The following KLHL18 variants were observed in gnomAD, a reference collection of about 807,000 sequenced individuals.
KLHL18 encodes the protein kelch-like protein 18.
Under a neutral mutation model 58.5 loss-of-function variants are expected in KLHL18, and 38 were observed. The observed-to-expected ratio is 0.65, with a 90% CI of 0.50 to 0.85. The LOEUF (loss-of-function observed/expected upper bound fraction) is 0.85. Ranked by LOEUF, KLHL18 falls within the 40% of genes least tolerant of loss-of-function variation. KLHL18 has a pLI of 0.00. For missense variants in KLHL18, 624 were observed against 778.4 expected (o/e 0.80, Z 2.36); for synonymous variants, 303 against 301.9 (o/e 1.00, Z -0.04).
Position 47,322,597 on chromosome 3 carries a change from ACAACGG to A in KLHL18, c.295_300del (p.Gly99_Asn100del). The A allele has an allele frequency of 6.2e-7, 1 of 1,607,000 alleles. No homozygotes were observed. Among genetic ancestry groups the A allele is most frequent in the Non-Finnish European group, 8.5e-7 (1 of 1,177,212 alleles). On this transcript the variant is annotated inframe_deletion, in exon 3 of 10. Coordinates refer to ENST00000232766, the MANE Select transcript of KLHL18 (RefSeq NM_025010.5). ...CTGGAGGCTCTGATCAACTTTGCCT[ACAACGG>A]CAACCTTGCCATTGACCAGCAAAAT...
chr3:47,327,888 G>A (rs754763423), intron 3 of KLHL18, among the ~76,000 whole-genome samples: 2 of 152,110 alleles, frequency 1.3e-5, no homozygotes, highest in South Asian at 2.1e-4. Flanking sequence ...CCTTAACGTC[G>A]GGGAAAAGAC....
intron 1 of KLHL18, 109 bp from the exon 2 acceptor site, chr3:47,319,544 A>C (rs1446598270): frequency 1.7e-6 from 2 of 1,185,580 alleles, no homozygotes; most frequent in Non-Finnish European, 2.4e-6. Flanking sequence ...TGCAGTGGGC[A>C]GTGGGGTATG....
intron 1 of KLHL18, among the ~76,000 whole-genome samples, chr3:47,318,767 C>CT (rs1703515012): frequency 6.6e-6 from 1 of 152,180 alleles, no homozygotes; most frequent in Admixed American, 6.5e-5. Context: ...TAGAACAACT[C>CT]TAAGAAATTT....
intron 2 of KLHL18, among the ~76,000 whole-genome samples, chr3:47,320,157 A>G (rs1267519230): frequency 2.0e-5 from 3 of 151,774 alleles, no homozygotes; most frequent in Non-Finnish European, 4.4e-5. Context: ...CTTCATTTAC[A>G]TCCCTTCTTA....
rs750454780 is a variant in KLHL18, at chr3:47,322,651, C to T, written c.344C>T (p.Ala115Val). 12 of 1,605,242 alleles carry T rather than the reference C, an allele frequency of 7.5e-6. No individual in the cohort carries two copies. The highest frequency in any genetic ancestry group is 2.3e-5 in the East Asian group (1 of 44,310). ...QQNVQSLLMG[A>V]SFLQLQSIKD... The stretch of plus-strand genomic sequence containing the variant: ...AATGTCCAGTCATTGCTGATGGGGG[C>T]GAGCTTCCTGCAGCTGCAGAGCATC... Residue 115 changes from alanine (A) to valine (V), a missense_variant, in exon 3 of 10, where the codon GCG becomes GTG. By Grantham distance (64) the Ala-to-Val change is moderately conservative. Transcript: ENST00000232766.
rs962262110 is a variant in KLHL18 at position 47,344,822 on chromosome 3, G to T, written c.*881G>T. 3 of 152,648 alleles carry T rather than the reference G, an allele frequency of 2.0e-5. 1 individual carries two copies. In the South Asian group the frequency reaches 6.2e-4, roughly 32 times the overall value. 9.5% of individuals were successfully genotyped at this position (152,648 alleles called of 1,614,324 possible). A position where few individuals can be genotyped will look rare whatever the true frequency, so the allele number is the denominator to read the frequency against. On this transcript the variant is annotated 3_prime_UTR_variant, in exon 10 of 10. Coordinates refer to ENST00000232766, the MANE Select transcript of KLHL18 (RefSeq NM_025010.5). ...CCTGAGGCCTCGCATTGAGCTGGGG[G>T]TTCCCTCTGAGCCCCAGTGTGTGTG...
At chr3:47,340,769 G>T in intron 8 of KLHL18, 93 bp downstream of exon 8, 1 of 1,401,726 alleles carries the variant, frequency 7.1e-7, no homozygotes. Context: ...GCTTCTCAAG[G>T]GTAGAGAATG....
intron 1 of KLHL18, among the ~76,000 whole-genome samples, chr3:47,316,706 C>T (rs1464617659): frequency 6.0e-5 from 5 of 83,418 alleles, no homozygotes; most frequent in African/African-American, 7.9e-5. Context: ...TACATATATA[C>T]GTATATATGT....
chr3:47,328,175 G>C (rs1265073883), intron 3 of KLHL18, among the ~76,000 whole-genome samples: 1 of 151,958 alleles, frequency 6.6e-6, no homozygotes, highest in Non-Finnish European at 1.5e-5. Context: ...GACCAGTCTG[G>C]GCAACATAGG....
chr3:47,322,886 A>G (rs1703621615), intron 3 of KLHL18, among the ~76,000 whole-genome samples, 178 bp downstream of exon 3: 1 of 152,094 alleles, frequency 6.6e-6, no homozygotes, highest in Non-Finnish European at 1.5e-5. Flanking sequence ...CTTCTTTGAG[A>G]TGAATTTTTT....
At chr3:47,301,464 T>C (rs917896240) in intron 1 of KLHL18, among the ~76,000 whole-genome samples, 2 of 152,320 alleles carry the variant, frequency 1.3e-5, no homozygotes, top group Middle Eastern at 3.4e-3. Flanking sequence ...TCCAGCCCCA[T>C]TGATAGTTGA....
intron 1 of KLHL18, among the ~76,000 whole-genome samples, chr3:47,306,284 T>A (rs1332223875): frequency 1.3e-5 from 2 of 152,160 alleles, no homozygotes; most frequent in Non-Finnish European, 2.9e-5. Flanking sequence ...ACCTACAGAC[T>A]ATTTCGAAGC....
At chr3:47,333,123 G>A (rs1201911441) in intron 4 of KLHL18, 34 bp from the exon 5 acceptor site, 9 of 1,600,542 alleles carry the variant, frequency 5.6e-6, no homozygotes, top group Admixed American at 1.7e-5. Context: ...CTGGGTGGGA[G>A]GATTTGCTGC....
At chr3:47,293,496 G>T (rs1389701983) in intron 1 of KLHL18, among the ~76,000 whole-genome samples, 1 of 152,166 alleles carries the variant, frequency 6.6e-6, no homozygotes, top group Non-Finnish European at 1.5e-5. Flanking sequence ...GAGTCAAATT[G>T]TATTAGTTCA....
At chr3:47,340,550 A>G (rs760921223) in intron 7 of KLHL18, 22 bp from the exon 8 acceptor site, 2 of 1,613,868 alleles carry the variant, frequency 1.2e-6, no homozygotes, top group Non-Finnish European at 1.7e-6. Flanking sequence ...CTCATCTGGG[A>G]TGACAGCTCT....
intron 1 of KLHL18, among the ~76,000 whole-genome samples, chr3:47,311,378 A>AT (rs1703295315): frequency 6.6e-6 from 1 of 152,056 alleles, no homozygotes; most frequent in Non-Finnish European, 1.5e-5. Flanking sequence ...TACCAAAGGA[A>AT]TAGTATGTTC....
At chr3:47,292,422 C>T (rs997962563) in intron 1 of KLHL18, among the ~76,000 whole-genome samples, 2 of 151,172 alleles carry the variant, frequency 1.3e-5, no homozygotes, top group Admixed American at 6.6e-5. Context: ...TGCAGTGAGC[C>T]GAGATCGTGC....
rs555440441 is a variant in KLHL18 at position 47,306,313 on chromosome 3, A to G, written c.130-13340A>G. 2.6e-5 allele frequency among the ~76,000 whole-genome samples: 4 copies of G among 152,044 alleles called. No individual in the cohort carries two copies. The East Asian group carries it at 7.7e-4, about 29-fold the overall frequency. ...TCGAAGCATGTTGGACCTTTGATGG[A>G]TTCATGGGTTTATTTTCCTAATTTA... On this transcript the variant is annotated intron_variant, in intron 1 of 9. Transcript: ENST00000232766.
In KLHL18 at chr3:47,344,838, A is replaced by AGT. The variant is rs1028096942; in HGVS notation, c.*905_*906dup. On this transcript the variant is annotated 3_prime_UTR_variant, in exon 10 of 10. Coordinates refer to ENST00000232766, the MANE Select transcript of KLHL18 (RefSeq NM_025010.5). ...GAGCTGGGGGTTCCCTCTGAGCCCC[A>AGT]GTGTGTGTGGAATCAGTGCACTCTT... The AGT allele has an allele frequency of 2.0e-5, 3 of 152,596 alleles. No homozygotes were observed. The highest frequency in any genetic ancestry group is 4.4e-5 in the Non-Finnish European group (3 of 68,040). The allele number at this position is 152,596 out of a possible 1,614,324, so 9.5% of individuals were successfully genotyped here. A position where few individuals can be genotyped will look rare whatever the true frequency, so the allele number is the denominator to read the frequency against.
Sources: allele counts gnomAD v4.1 joint callset (sites outside exome capture counted in the v4.1 genomes callset), GRCh38; gene constraint gnomAD v4.1.1; transcripts MANE v1.5; gene names NCBI Gene and HGNC (gene_info 2026-07-23, HGNC 2026-07-21).